ASTN2: variants seen among roughly 807,000 people sequenced by gnomAD.
ASTN2 encodes the protein astrotactin-2.
In ASTN2, 54 loss-of-function variants were observed where a neutral mutation model predicts 139.8. The ratio of observed to expected loss-of-function variants is 0.39; its 90% CI spans 0.31 to 0.48. The LOEUF is 0.48. Among genes scored for constraint, ASTN2 ranks in the 20% least tolerant of loss-of-function variants. ASTN2 has a pLI of 0.95. For synonymous variants in ASTN2, 756 were observed against 719.5 expected, an observed-to-expected ratio of 1.05 and a Z score of -0.81; for missense variants, 1,565 against 1,725.1, an observed-to-expected ratio of 0.91 and a Z score of 1.64.
In ASTN2 at chr9:116,724,601, T is replaced by C. The variant is rs182649569; in HGVS notation, c.2806+1170A>G. ...GTGAAAGCTCCCTTCTTCTCCCCTA[T>C]AGACTTAGTTTCCTCGACTGCAAAA... On this transcript the variant is annotated intron_variant, in intron 16 of 22. Transcript: ENST00000313400. Among the ~76,000 whole-genome samples, 25 of 152,314 alleles carry C rather than the reference T, an allele frequency of 1.6e-4. No homozygotes were observed. In the East Asian group the frequency reaches 4.4e-3, roughly 27 times the overall value.
At chr9:117,309,133 G>A (rs1308146538) in intron 1 of ASTN2, among the ~76,000 whole-genome samples, 1 of 152,176 alleles carries the variant, frequency 6.6e-6, no homozygotes, top group Non-Finnish European at 1.5e-5. Context: ...ATGTACACAC[G>A]TTTGGCTCAG....
chr9:117,073,440 A>C (rs1292858685), intron 5 of ASTN2, among the ~76,000 whole-genome samples: 1 of 152,148 alleles, frequency 6.6e-6, no homozygotes, highest in Non-Finnish European at 1.5e-5. Context: ...CAGTCCAGGC[A>C]GGGTTGTGAG....
chr9:117,279,694 T>C (rs554121023), intron 2 of ASTN2, among the ~76,000 whole-genome samples: 39 of 152,196 alleles, frequency 2.6e-4, no homozygotes, highest in Non-Finnish European at 5.4e-4. Flanking sequence ...TACTCTTCAC[T>C]CAGCTTCCCC....
chr9:116,926,494 T>C (rs1471432406), intron 10 of ASTN2, among the ~76,000 whole-genome samples: 1 of 152,202 alleles, frequency 6.6e-6, no homozygotes, highest in Non-Finnish European at 1.5e-5. Context: ...TTCAACCTCT[T>C]TACCTTGATA....
Position 117,214,668 on chromosome 9 carries a change from C to T in ASTN2, c.705G>A (p.Lys235=), listed in dbSNP as rs147080682. The change falls in exon 3 of 23, where the codon AAG becomes AAA. Residue 235 remains lysine (K), a synonymous_variant. Transcript: ENST00000313400. ...CGCTCTTCTGGGGGATGCGGCGACGCTTCTGCCAACGTCGCTGGGCGTACA... is the reference window on the plus strand; with the variant it reads ...CGCTCTTCTGGGGGATGCGGCGACGTTTCTGCCAACGTCGCTGGGCGTACA... ...VALYAQRRWQ[K]RRRIPQKSAS... 1.4e-3 allele frequency: 2,091 copies of T among 1,543,280 alleles called. 14 individuals are homozygous for T. The highest frequency in any genetic ancestry group is 0.013 in the African/African-American group (978 of 73,712).
At chr9:116,672,667 C>A (rs1019926401) in intron 16 of ASTN2, among the ~76,000 whole-genome samples, 10 of 152,152 alleles carry the variant, frequency 6.6e-5, no homozygotes, top group African/African-American at 2.4e-4. Flanking sequence ...CTACTATTAT[C>A]CCCCATTTTG....
At chr9:117,066,665 T>C (rs554651802) in intron 5 of ASTN2, among the ~76,000 whole-genome samples, 2 of 152,158 alleles carry the variant, frequency 1.3e-5, no homozygotes, top group East Asian at 3.9e-4. Context: ...TTTCTCCACA[T>C]CCTCTCCAGC....
chr9:117,081,678 A>G (rs1828431921), intron 5 of ASTN2, among the ~76,000 whole-genome samples: 1 of 152,174 alleles, frequency 6.6e-6, no homozygotes, highest in Admixed American at 6.5e-5. Context: ...GAGCCCTTAA[A>G]AGAGAATCGG....
chr9:117,233,345 G>A (rs900018528), intron 2 of ASTN2, among the ~76,000 whole-genome samples: 13 of 152,132 alleles, frequency 8.5e-5, no homozygotes, highest in Non-Finnish European at 7.4e-5. Context: ...ATGAGATTTT[G>A]GGCAAGTCGC....
intron 6 of ASTN2, among the ~76,000 whole-genome samples, chr9:117,013,461 T>A (rs1349285439): frequency 4.3e-5 from 5 of 115,422 alleles, no homozygotes; most frequent in African/African-American, 1.2e-4. Flanking sequence ...TGTTTCCTTA[T>A]TTTTAAATAT....
rs80341675 is a variant in ASTN2, at chr9:117,242,887, C to T, written c.631-28145G>A. Among the ~76,000 whole-genome samples, 357 of 152,346 alleles carry T rather than the reference C, an allele frequency of 2.3e-3. 4 individuals carry two copies. Among genetic ancestry groups the T allele is most frequent in the African/African-American group, 8.0e-3 (331 of 41,596 alleles). ...CCTCTGTGTGGTTCTGCAGGAAGGA[C>T]ACTAAACTATAGCCTTCCAGTTTGC... On this transcript the variant is annotated intron_variant, in intron 2 of 22. Transcript: ENST00000313400.
chr9:117,337,128 G>A (rs1828912911), intron 1 of ASTN2, among the ~76,000 whole-genome samples: 1 of 152,246 alleles, frequency 6.6e-6, no homozygotes, highest in South Asian at 2.1e-4. Flanking sequence ...TCACACCTTA[G>A]GTGAGAAATC....
At chr9:117,183,753 C>G (rs1162120396) in intron 3 of ASTN2, among the ~76,000 whole-genome samples, 1 of 152,202 alleles carries the variant, frequency 6.6e-6, no homozygotes, top group African/African-American at 2.4e-5. Context: ...TTCCACAAAG[C>G]CTTTCCTGAT....
chr9:116,565,379 CTCTCTCTCCATATATATATATATATA>C (rs1419040746), intron 19 of ASTN2, among the ~76,000 whole-genome samples: 10 of 34,390 alleles, frequency 2.9e-4, no homozygotes, highest in Admixed American at 1.4e-3. Flanking sequence ...CTCTCTCTCT[CTCTCTCTCCATATATATATATATATA>C]TATATATATA....
intron 19 of ASTN2, among the ~76,000 whole-genome samples, chr9:116,617,279 A>G (rs747819536): frequency 6.6e-6 from 1 of 152,206 alleles, no homozygotes; most frequent in Non-Finnish European, 1.5e-5. Flanking sequence ...GGAGAGAGAC[A>G]GGTAGAAGAC....
intron 19 of ASTN2, among the ~76,000 whole-genome samples, chr9:116,497,037 C>G (rs542992620): frequency 6.6e-6 from 1 of 152,286 alleles, no homozygotes; most frequent in Admixed American, 6.5e-5. Flanking sequence ...TGTTATTTCC[C>G]CACACTTTTT....
At chr9:116,466,639 C>T (rs1334626155) in intron 20 of ASTN2, among the ~76,000 whole-genome samples, 2 of 152,174 alleles carry the variant, frequency 1.3e-5, no homozygotes, top group African/African-American at 4.8e-5. Context: ...AGAGTTTTGG[C>T]ATCAGAATGA....
chr9:117,124,788 T>G (rs1049455664), intron 4 of ASTN2, among the ~76,000 whole-genome samples: 7 of 143,650 alleles, frequency 4.9e-5, no homozygotes, highest in African/African-American at 1.3e-4. Context: ...ATGGGTGACA[T>G]AGCGAGACCC....
chr9:116,546,759 T>C (rs1391733404), intron 19 of ASTN2: 13 of 152,218 alleles, frequency 8.5e-5, no homozygotes, highest in Non-Finnish European at 1.5e-5. Context: ...GCTTGTTTAA[T>C]GATTATAGCA....
Sources: gnomAD v4.1 joint callset for allele counts (sites outside exome capture counted in the v4.1 genomes callset) on GRCh38, gnomAD v4.1.1 for gene constraint, MANE v1.5 for transcripts, NCBI Gene and HGNC (gene_info 2026-07-23, HGNC 2026-07-21) for gene names.